Variants in PDZK1IP1 observed in about 807,000 individuals in gnomAD.
The protein encoded by PDZK1IP1 is PDZK1-interacting protein 1.
A neutral mutation model predicts 14.7 loss-of-function variants in PDZK1IP1; 9 were observed. The ratio of observed to expected loss-of-function variants is 0.61; its 90% confidence interval spans 0.37 to 1.07. The LOEUF is 1.07. PDZK1IP1 is among the 50% of genes least tolerant of loss of function. The probability of loss-of-function intolerance (pLI) is 0.01; values close to 1 mark genes in which losing one functional copy is unlikely to be tolerated. For missense variants in PDZK1IP1, 152 were observed against 148.7 expected, an observed-to-expected ratio of 1.02 and a Z score of -0.11; for synonymous variants, 70 against 61.2, an observed-to-expected ratio of 1.14 and a Z score of -0.67.
At chr1:47,189,762 G>C in intron 1 of PDZK1IP1, 104 bp downstream of exon 1, 2 of 793,064 alleles carry the variant, frequency 2.5e-6, no homozygotes, top group Non-Finnish European at 3.8e-6. Flanking sequence ...CGCAGTCCCT[G>C]CTCCCCCTCC....
chr1:47,188,682 C>T (rs1277923908), intron 1 of PDZK1IP1, among the ~76,000 whole-genome samples: 2 of 152,184 alleles, frequency 1.3e-5, no homozygotes, highest in Non-Finnish European at 2.9e-5. Flanking sequence ...CCGAGCCTGG[C>T]AAATATTGGG....
Position 47,183,763 on chromosome 1 carries a change from C to T in PDZK1IP1, c.*208G>A, listed in dbSNP as rs1302301783. The T allele has an allele frequency of 9.9e-6, 6 of 607,602 alleles. No homozygotes were observed. The highest frequency in any genetic ancestry group is 1.8e-5 in the Non-Finnish European group (6 of 341,032). 37.6% of individuals were successfully genotyped at this position (607,602 alleles called of 1,614,324 possible). On this transcript the variant is annotated 3_prime_UTR_variant, in exon 4 of 4. Transcript: ENST00000294338. ...GCTCTTCTGAGCTGAGCAGGAGACC[C>T]CAGGGCCACAGCCGAGCCCCAACCT...
intron 3 of PDZK1IP1, among the ~76,000 whole-genome samples, chr1:47,184,797 C>T (rs549654726): frequency 6.6e-6 from 1 of 151,218 alleles, no homozygotes; most frequent in Admixed American, 6.6e-5. Context: ...ACCAAGTCTC[C>T]GTCCCCTTCT....
Position 47,187,393 on chromosome 1 carries a change from A to G in PDZK1IP1, c.102T>C (p.Leu34=), listed in dbSNP as rs1467082766. 5 of 1,612,742 alleles carry G rather than the reference A, an allele frequency of 3.1e-6. No homozygotes were observed. The highest frequency in any genetic ancestry group is 2.2e-5 in the East Asian group (1 of 44,890). Residue 34 remains leucine (L), a synonymous_variant, in exon 2 of 4, where the codon CTT becomes CTC. Coordinates refer to ENST00000294338, the MANE Select transcript of PDZK1IP1 (RefSeq NM_005764.4). ...LGNLQPWMQG[L]IAVAVFLVLV... is the part of the protein sequence containing the mutation. ...GGACCAGGAACACGGCCACCGCGAT[A>G]AGGCCCTGCATCCAGGGCTGAAGGT...
chr1:47,184,114 C>A, intron 3 of PDZK1IP1, 71 bp from the exon 4 acceptor site: 1 of 1,179,968 alleles, frequency 8.5e-7, no homozygotes, highest in Non-Finnish European at 1.2e-6. Context: ...CTGCCCCTTC[C>A]TGCACTTGTG....
At chr1:47,189,421 C>T (rs544302450) in intron 1 of PDZK1IP1, among the ~76,000 whole-genome samples, 1 of 152,340 alleles carries the variant, frequency 6.6e-6, no homozygotes, top group East Asian at 1.9e-4. Context: ...CAAGGTCACA[C>T]ATCCATTCAG....
chr1:47,189,895 G>A lies in PDZK1IP1; in HGVS notation c.38C>T (p.Thr13Met), dbSNP rs11552560. Residue 13 changes from threonine (T) to methionine (M), a missense_variant, in exon 1 of 4, where the codon ACG becomes ATG. Physicochemically the swap from Thr to Met is moderately conservative, Grantham distance 81. Transcript: ENST00000294338. ...ALSLLILGLL[T>M]AVPPASCQQG... is the part of the protein sequence containing the mutation. ...CTGACAGCTGGCAGGTGGCACTGCC[G>A]TGAGCAGGCCCAGAATGAGGAGGCT... 9.5e-4 allele frequency: 1,517 copies of A among 1,597,024 alleles called. 2 individuals are homozygous for A. Among genetic ancestry groups the A allele is most frequent in the Admixed American group, 1.3e-3 (76 of 59,648 alleles).
Position 47,185,050 on chromosome 1 carries a change from A to T in PDZK1IP1, c.224T>A (p.Val75Asp). 3 of 1,613,250 alleles carry T rather than the reference A, an allele frequency of 1.9e-6. No homozygotes were observed. The highest frequency in any genetic ancestry group is 2.5e-6 in the Non-Finnish European group (3 of 1,179,898). The part of the protein sequence containing the change: ...ILTVGNKADG[V>D]LVGTDGRYSS... ...GTACCTTCCATCTGTTCCCACCAGG[A>T]CTCCATCTGCCTTGTTTCCGACGGT... The change falls in exon 3 of 4, where the codon GTC becomes GAC. Residue 75 changes from valine (V) to aspartate (D), a missense_variant. Val to Asp is a radical substitution (Grantham distance 152). Coordinates refer to ENST00000294338, the MANE Select transcript of PDZK1IP1 (RefSeq NM_005764.4).
intron 2 of PDZK1IP1, chr1:47,185,494 G>C (rs1569852608): frequency 4.3e-6 from 1 of 234,504 alleles, no homozygotes; most frequent in East Asian, 1.1e-4. Context: ...TCTATCTGAA[G>C]GGCATTCAAC....
intron 2 of PDZK1IP1, 36 bp downstream of exon 2, chr1:47,187,283 A>G: frequency 6.7e-7 from 1 of 1,484,096 alleles, no homozygotes; most frequent in Non-Finnish European, 9.4e-7. Flanking sequence ...TCCTGGGCCC[A>G]CCCTGCCTGC....
chr1:47,183,787 C>T lies in PDZK1IP1; in HGVS notation c.*184G>A. On this transcript the variant is annotated 3_prime_UTR_variant, in exon 4 of 4. Coordinates refer to ENST00000294338, the MANE Select transcript of PDZK1IP1 (RefSeq NM_005764.4). ...CCCAGGGCCACAGCCGAGCCCCAAC[C>T]TAGACACGGTCTGAGCTCCAACCTT... 1.6e-6 allele frequency: 1 copy of T among 626,810 alleles called. No individual in the cohort carries two copies. The highest frequency in any genetic ancestry group is 2.8e-6 in the Non-Finnish European group (1 of 350,996). The allele number at this position is 626,810 out of a possible 1,614,324, so 38.8% of individuals were successfully genotyped here.
chr1:47,189,789 G>T, intron 1 of PDZK1IP1, 77 bp downstream of exon 1: 1 of 1,096,886 alleles, frequency 9.1e-7, no homozygotes. Flanking sequence ...TAAGTATCAA[G>T]GCCCTGGGGA....
At chr1:47,187,466 G>T in intron 1 of PDZK1IP1, 39 bp from the exon 2 acceptor site, 1 of 1,524,412 alleles carries the variant, frequency 6.6e-7, no homozygotes. Context: ...CGGGGCCACA[G>T]TGGGGCTGCA....
chr1:47,184,096 C>A, intron 3 of PDZK1IP1, 53 bp from the exon 4 acceptor site: 1 of 1,340,986 alleles, frequency 7.5e-7, no homozygotes, highest in Non-Finnish European at 1.0e-6. Context: ...CATTCTATCC[C>A]CTTCTCCCTG....
chr1:47,185,117 G>A lies in PDZK1IP1; in HGVS notation c.177-20C>T, dbSNP rs1332113738. Reference sequence around the variant, plus strand: ...GGCTCCCTGGGGATGGGATTCATCAGTGGGGCTCCTCAGTGGGGCCCCCCT... The same window carrying A: ...GGCTCCCTGGGGATGGGATTCATCAATGGGGCTCCTCAGTGGGGCCCCCCT... On this transcript the variant is annotated intron_variant, in intron 2 of 3. Coordinates refer to ENST00000294338, the MANE Select transcript of PDZK1IP1 (RefSeq NM_005764.4). The A allele has an allele frequency of 1.2e-6, 2 of 1,604,488 alleles. No individual in the cohort carries two copies. The highest frequency in any genetic ancestry group is 2.2e-5 in the South Asian group (2 of 90,918).
chr1:47,186,429 C>T (rs988701451), intron 2 of PDZK1IP1, among the ~76,000 whole-genome samples: 1 of 152,258 alleles, frequency 6.6e-6, no homozygotes, highest in Non-Finnish European at 1.5e-5. Flanking sequence ...ACCTCACCAG[C>T]CTCATCTCAG....
intron 1 of PDZK1IP1, among the ~76,000 whole-genome samples, chr1:47,189,622 G>T (rs1325339888): frequency 6.6e-6 from 1 of 152,230 alleles, no homozygotes; most frequent in Non-Finnish European, 1.5e-5. Flanking sequence ...TGCTCTTGGG[G>T]CTTGGGCCTC....
Position 47,183,677 on chromosome 1 carries a change from GTTA to G in PDZK1IP1, c.*291_*293del. On this transcript the variant is annotated 3_prime_UTR_variant, in exon 4 of 4. Coordinates refer to ENST00000294338, the MANE Select transcript of PDZK1IP1 (RefSeq NM_005764.4). ...CACAGAAATTAGGGCCATTTCCATA[GTTA>G]TGGGGAAGGACGTGTGAGCAGGATG... is the stretch of plus-strand genomic sequence containing the variant. 6.7e-6 allele frequency: 3 copies of G among 446,624 alleles called. No individual in the cohort carries two copies. In the South Asian group the frequency reaches 1.4e-4, roughly 20 times the overall value. The allele number at this position is 446,624 out of a possible 1,614,324, so 27.7% of individuals were successfully genotyped here. A position where few individuals can be genotyped will look rare whatever the true frequency, so the allele number is the denominator to read the frequency against.
Position 47,189,846 on chromosome 1 carries a change from G to T in PDZK1IP1, c.67+20C>A. 1 of 1,576,992 alleles carries T rather than the reference G, an allele frequency of 6.3e-7. No individual in the cohort carries two copies. ...TCCACCCCTGGGTCTCCCGTGCCCA[G>T]CCCTCTCCTCCTGAGCTACCTTGCT... On this transcript the variant is annotated intron_variant, in intron 1 of 3. Transcript: ENST00000294338.
Sources: allele counts gnomAD v4.1 joint callset (sites outside exome capture counted in the v4.1 genomes callset), GRCh38; gene constraint gnomAD v4.1.1; transcripts MANE v1.5; gene names NCBI Gene and HGNC (gene_info 2026-07-23, HGNC 2026-07-21).